The following GRM1 variants were observed in gnomAD, a reference collection of about 807,000 sequenced individuals.
GRM1 encodes the protein metabotropic glutamate receptor 1.
Under a neutral mutation model 90.9 loss-of-function variants are expected in GRM1, and 33 were observed. The observed-to-expected ratio is 0.36, with a 90% confidence interval of 0.28 to 0.49. GRM1 has a LOEUF of 0.49. GRM1 is among the 20% of genes least tolerant of loss of function. The pLI is 0.99. For synonymous variants in GRM1, 700 were observed against 613.2 expected, an observed-to-expected ratio of 1.14 and a Z score of -2.09; for missense variants, 1,190 against 1,534.3, an observed-to-expected ratio of 0.78 and a Z score of 3.75.
chr6:146,202,052 A>G (rs192540031), intron 2 of GRM1, among the ~76,000 whole-genome samples: 2 of 152,356 alleles, frequency 1.3e-5, no homozygotes, highest in African/African-American at 4.8e-5. Flanking sequence ...GACTCAGATA[A>G]GTGGGACTCT....
At chr6:146,270,853 C>CTTTCTTTCTTTCTTTCTTTCT (rs1562570986) in intron 2 of GRM1, among the ~76,000 whole-genome samples, 17 of 41,536 alleles carry the variant, frequency 4.1e-4, no homozygotes, top group African/African-American at 1.4e-3. Context: ...CTTTCTTTTT[C>CTTTCTTTCTTTCTTTCTTTCT]TTTCTTTCTT....
chr6:146,049,683 C>T (rs2128847262), intron 1 of GRM1, among the ~76,000 whole-genome samples: 1 of 151,300 alleles, frequency 6.6e-6, no homozygotes, highest in Non-Finnish European at 1.5e-5. Flanking sequence ...ATCTATCTAT[C>T]TATCTATCTA....
Position 146,078,936 on chromosome 6 carries a change from G to A in GRM1, c.700+48719G>A, listed in dbSNP as rs556081025. On this transcript the variant is annotated intron_variant, in intron 1 of 7. Transcript: ENST00000282753. The stretch of plus-strand genomic sequence containing the variant: ...GAGGCTCGCAGACACTTTGAAGGGT[G>A]GGGGAGAATGGAGTTTATTGGGCAA... 2.0e-5 allele frequency among the ~76,000 whole-genome samples: 3 copies of A among 152,290 alleles called. No individual in the cohort carries two copies. In the South Asian group the frequency reaches 6.2e-4, roughly 32 times the overall value.
At chr6:146,039,273 C>T (rs950290825) in intron 1 of GRM1, among the ~76,000 whole-genome samples, 6 of 151,832 alleles carry the variant, frequency 4.0e-5, no homozygotes, top group African/African-American at 1.5e-4. Flanking sequence ...TAGAAGGTCC[C>T]CAGAAAAGGT....
chr6:146,370,527 C>G (rs1263916329), intron 5 of GRM1, among the ~76,000 whole-genome samples: 3 of 152,056 alleles, frequency 2.0e-5, no homozygotes, highest in East Asian at 3.9e-4. Flanking sequence ...TATACTTAAT[C>G]CATTGTATAA....
intron 1 of GRM1, among the ~76,000 whole-genome samples, chr6:146,083,921 G>A (rs1322468725): frequency 6.6e-6 from 1 of 152,130 alleles, no homozygotes; most frequent in Admixed American, 6.5e-5. Flanking sequence ...ACTTGTTATT[G>A]GTCTATTCTG....
At chr6:146,275,412 G>A (rs749772867) in intron 2 of GRM1, among the ~76,000 whole-genome samples, 13 of 152,100 alleles carry the variant, frequency 8.5e-5, no homozygotes, top group South Asian at 2.1e-4. Context: ...AAGAGGGGGA[G>A]AGCTGGGTGA....
intron 1 of GRM1, among the ~76,000 whole-genome samples, chr6:146,047,160 TC>T (rs1791362467): frequency 6.6e-6 from 1 of 151,972 alleles, no homozygotes; most frequent in African/African-American, 2.4e-5. Context: ...GCTGAGAATG[TC>T]AGAGTTTGAA....
chr6:146,221,419 C>T (rs892531758), intron 2 of GRM1, among the ~76,000 whole-genome samples: 1 of 152,098 alleles, frequency 6.6e-6, no homozygotes, highest in East Asian at 1.9e-4. Flanking sequence ...TTGTTCAAAT[C>T]CCACTTATGA....
chr6:146,056,892 CT>C (rs1775499852), intron 1 of GRM1, among the ~76,000 whole-genome samples: 1 of 152,144 alleles, frequency 6.6e-6, no homozygotes, highest in Admixed American at 6.6e-5. Context: ...AGTTTCAGTA[CT>C]TGGCTATCTC....
chr6:146,052,990 A>G (rs1324784211), intron 1 of GRM1, among the ~76,000 whole-genome samples: 1 of 152,192 alleles, frequency 6.6e-6, no homozygotes, highest in South Asian at 2.1e-4. Flanking sequence ...TATGTTTATA[A>G]CAGGAAAGAC....
At chr6:146,096,556 T>C (rs144115169) in intron 1 of GRM1, among the ~76,000 whole-genome samples, 1 of 152,320 alleles carries the variant, frequency 6.6e-6, no homozygotes, top group East Asian at 1.9e-4. Flanking sequence ...TGAGCTACAA[T>C]ATTAATCTCA....
At chr6:146,037,412 A>G (rs1790930259) in intron 1 of GRM1, among the ~76,000 whole-genome samples, 1 of 152,000 alleles carries the variant, frequency 6.6e-6, no homozygotes, top group Non-Finnish European at 1.5e-5. Flanking sequence ...TCAAGATCAT[A>G]AAATTCATCA....
intron 1 of GRM1, 121 bp downstream of exon 1, chr6:146,030,338 T>C (rs901627179): frequency 2.6e-6 from 2 of 772,954 alleles, no homozygotes; most frequent in African/African-American, 3.4e-5. Flanking sequence ...AGTTTACCCT[T>C]CTCAGTACTG....
chr6:146,256,871 C>T lies in GRM1; in HGVS notation c.951-47740C>T, dbSNP rs117481230. Among the ~76,000 whole-genome samples the T allele has an allele frequency of 1.6e-3, 240 of 152,218 alleles. 5 individuals are homozygous for T. In the East Asian group the frequency reaches 0.041, roughly 26 times the overall value. Reference sequence around the variant, plus strand: ...CTGCTCCCTGTTATTTACACAATTGCGTGTGGATTTCCCAGGGGTGTTCAT... The same window carrying T: ...CTGCTCCCTGTTATTTACACAATTGTGTGTGGATTTCCCAGGGGTGTTCAT... On this transcript the variant is annotated intron_variant, in intron 2 of 7. Coordinates refer to ENST00000282753, the MANE Select transcript of GRM1 (RefSeq NM_001278064.2).
chr6:146,205,617 C>T (rs191883337), intron 2 of GRM1, among the ~76,000 whole-genome samples: 14 of 152,296 alleles, frequency 9.2e-5, no homozygotes, highest in Non-Finnish European at 1.5e-5. Context: ...ATTCTTCTGT[C>T]TAAGGAGGTA....
intron 2 of GRM1, among the ~76,000 whole-genome samples, chr6:146,271,906 T>C (rs1037042768): frequency 6.6e-6 from 1 of 152,210 alleles, no homozygotes; most frequent in African/African-American, 2.4e-5. Flanking sequence ...TAGTCTTATG[T>C]TTTTCTAACA....
chr6:146,311,696 T>TA (rs1783774347), intron 3 of GRM1, among the ~76,000 whole-genome samples: 1 of 152,250 alleles, frequency 6.6e-6, no homozygotes, highest in African/African-American at 2.4e-5. Flanking sequence ...TACATTTTTC[T>TA]GTTTAAAATA....
At chr6:146,150,948 A>ACACG (rs1215890457) in intron 1 of GRM1, among the ~76,000 whole-genome samples, 1 of 151,724 alleles carries the variant, frequency 6.6e-6, no homozygotes, top group African/African-American at 2.4e-5. Context: ...GCACACACAC[A>ACACG]CACACACACA....
Sources: gnomAD v4.1 joint callset for allele counts (sites outside exome capture counted in the v4.1 genomes callset) on GRCh38, gnomAD v4.1.1 for gene constraint, MANE v1.5 for transcripts, NCBI Gene and HGNC (gene_info 2026-07-23, HGNC 2026-07-21) for gene names.